The following TTN variants were observed in gnomAD, a reference collection of about 807,000 sequenced individuals.
TTN encodes titin, also known as connectin.
In TTN, 1,525 loss-of-function variants were observed where a neutral mutation model predicts 3,223.0. The observed-to-expected ratio is 0.47, with a 90% CI of 0.45 to 0.49. The LOEUF is 0.49. Among genes scored for constraint, TTN ranks in the 20% least tolerant of loss-of-function variants. The probability of loss-of-function intolerance (pLI) is 0.00; values close to 1 mark genes in which losing one functional copy is unlikely to be tolerated. For synonymous variants in TTN, 14,094 were observed against 15,161.0 expected (o/e 0.93, Z 5.17); for missense variants, 40,786 against 43,424.0 (o/e 0.94, Z 5.40).
In TTN at chr2:178,720,555, A is replaced by T; in HGVS notation, c.23207T>A (p.Val7736Asp). Residue 7736 changes from valine (V) to aspartate (D), a missense_variant, in exon 80 of 363, where the codon GTT becomes GAT. Transcript: ENST00000589042. ...SGTPPFEVVW[V>D]KDRKQVRNSK... ...GTTTCTAACCTGCTTTCGATCTTTAACCCATACTACTTCAAATGGGGGAGT... is the reference window on the plus strand; with the variant it reads ...GTTTCTAACCTGCTTTCGATCTTTATCCCATACTACTTCAAATGGGGGAGT... 1 of 1,613,468 alleles carries T rather than the reference A, an allele frequency of 6.2e-7. No individual in the cohort carries two copies. Among genetic ancestry groups the T allele is most frequent in the Non-Finnish European group, 8.5e-7 (1 of 1,179,610 alleles).
rs1575474576 is a variant in TTN at position 178,548,526 on chromosome 2, T to C, written c.93100A>G (p.Thr31034Ala). 2.5e-6 allele frequency: 4 copies of C among 1,613,734 alleles called. No individual in the cohort carries two copies. The East Asian group carries it at 8.9e-5, about 36-fold the overall frequency. The stretch of plus-strand genomic sequence containing the variant: ...AGAAGAGGGGCATCCCACATCAATG[T>C]AGCAGATCCCCGGGTCACATCTTTG... ...TFKDVTRGSA[T>A]LMWDAPLLDG... Residue 31034 changes from threonine to alanine, a missense_variant, in exon 339 of 363, where the codon ACA (threonine) becomes GCA (alanine). Transcript: ENST00000589042. This position sits in a 1 kb window ranked among gnomAD's most constrained non-coding sequence, Gnocchi z 4.3.
chr2:178,699,045 T>C (rs1385956743), intron 111 of TTN, 131 bp from the exon 112 acceptor site: 11 of 958,544 alleles, frequency 1.1e-5, no homozygotes, highest in Non-Finnish European at 1.6e-5. Flanking sequence ...AGATTCTGCA[T>C]ATTACTACAA....
At chr2:178,679,816 C>T in intron 140 of TTN, 78 bp downstream of exon 140, 1 of 1,572,768 alleles carries the variant, frequency 6.4e-7, no homozygotes, top group East Asian at 2.2e-5. Flanking sequence ...CTGCCAATAA[C>T]CCCCAGAATC....
Position 178,566,530 on chromosome 2 carries a change from C to T in TTN, c.79602G>A (p.Trp26534Ter). Reference sequence around the variant, plus strand: ...GGCCAGTCTGTGGAGTAACTATTTGCCATTCTTCTTCATCTGCTTTACAGA... The same window carrying T: ...GGCCAGTCTGTGGAGTAACTATTTGTCATTCTTCTTCATCTGCTTTACAGA... ...VEICKADEEEWQIVTPQTGLR... is the reference protein window; with the variant it reads ...VEICKADEEE Residue 26534 changes from tryptophan (W) to a stop codon, truncating the protein, a stop_gained, in exon 326 of 363, where the codon TGG (tryptophan) becomes TGA (stop). Transcript: ENST00000589042. LOFTEE classifies it high-confidence loss of function. 2 of 1,613,376 alleles carry T rather than the reference C, an allele frequency of 1.2e-6. No individual in the cohort carries two copies. Among genetic ancestry groups the T allele is most frequent in the Non-Finnish European group, 1.7e-6 (2 of 1,179,686 alleles).
intron 209 of TTN, 65 bp from the exon 210 acceptor site, chr2:178,650,336 A>G: frequency 7.5e-7 from 1 of 1,329,758 alleles, no homozygotes; most frequent in Non-Finnish European, 1.0e-6. Flanking sequence ...GACAAACACT[A>G]AACACGATAA....
chr2:178,583,792 C>T lies in TTN; in HGVS notation c.65390G>A (p.Cys21797Tyr), dbSNP rs886042894. 1.9e-6 allele frequency: 3 copies of T among 1,610,252 alleles called. No homozygotes were observed. Among genetic ancestry groups the T allele is most frequent in the Admixed American group, 3.4e-5 (2 of 59,638 alleles). Reference protein sequence around the residue: ...SKIIGYFVEACKLPGDKWVRC... With the variant: ...SKIIGYFVEAYKLPGDKWVRC... Reference sequence around the variant, plus strand: ...TACCCATTTATCACCAGGAAGTTTGCAAGCTTCTACGAAATAGCCAATAAT... The same window carrying T: ...TACCCATTTATCACCAGGAAGTTTGTAAGCTTCTACGAAATAGCCAATAAT... Residue 21797 changes from cysteine (C) to tyrosine (Y), a missense_variant, in exon 312 of 363, where the codon TGC becomes TAC. Transcript: ENST00000589042.
chr2:178,637,519 A>T, intron 223 of TTN, 100 bp from the exon 224 acceptor site: 1 of 609,148 alleles, frequency 1.6e-6, no homozygotes, highest in Non-Finnish European at 2.5e-6. Context: ...TATAAATATT[A>T]ACGCATAAAG....
In TTN at chr2:178,614,172, T is replaced by C. The variant is rs1315841408; in HGVS notation, c.49225A>G (p.Asn16409Asp). 2 of 1,612,382 alleles carry C rather than the reference T, an allele frequency of 1.2e-6. No individual in the cohort carries two copies. The highest frequency in any genetic ancestry group is 1.7e-6 in the Non-Finnish European group (2 of 1,179,234). Reference sequence around the variant, plus strand: ...GGGATTAATTTGGTGGCCTTGAAGTTTGTATCCTTGACGGTGGATGAGAGC... The same window carrying C: ...GGGATTAATTTGGTGGCCTTGAAGTCTGTATCCTTGACGGTGGATGAGAGC... ...HKLSSTVKDT[N>D]FKATKLIPNK... is the part of the protein sequence containing the mutation. Residue 16409 changes from asparagine (N) to aspartate (D), a missense_variant, in exon 262 of 363, where the codon AAC becomes GAC. Physicochemically the swap from Asn to Asp is conservative, Grantham distance 23. Transcript: ENST00000589042.
Position 178,567,369 on chromosome 2 carries a change from C to T in TTN, c.78763G>A (p.Asp26255Asn), listed in dbSNP as rs1368108260. 2 of 1,594,450 alleles carry T rather than the reference C, an allele frequency of 1.3e-6. No individual in the cohort carries two copies. Among genetic ancestry groups the T allele is most frequent in the Non-Finnish European group, 1.7e-6 (2 of 1,172,466 alleles). The stretch of plus-strand genomic sequence containing the variant: ...TGCCCACCATCAATTCTAATTGCAT[C>T]TTTTACAATAAGTAAAGCCTTGAAA... ...TDFKALLIVKDAIRIDGGQYI... is the reference protein window; with the variant it reads ...TDFKALLIVKNAIRIDGGQYI... The change falls in exon 326 of 363, where the codon GAT (aspartate) becomes AAT (asparagine). Residue 26255 changes from aspartate to asparagine, a missense_variant. Transcript: ENST00000589042.
Position 178,718,014 on chromosome 2 carries a change from A to T in TTN, c.24992T>A (p.Val8331Glu), listed in dbSNP as rs773888026. The change falls in exon 86 of 363, where the codon GTG becomes GAG. Residue 8331 changes from valine to glutamate, a missense_variant. By Grantham distance (121) the Val-to-Glu change is moderately radical (BLOSUM62 -2). Coordinates refer to ENST00000589042, the MANE Select transcript of TTN (RefSeq NM_001267550.2). ...GTCTGCCTTGCATGAATACTCTCCC[A>T]CATCACTGTGATCCACTTTGTTGAT... ...LVINKVDHSD[V>E]GEYSCKADNS... 6.2e-7 allele frequency: 1 copy of T among 1,613,744 alleles called. No homozygotes were observed. Among genetic ancestry groups the T allele is most frequent in the East Asian group, 2.2e-5 (1 of 44,876 alleles).
chr2:178,698,932 GA>G lies in TTN; in HGVS notation c.30683-19del, dbSNP rs752002029. 1,409 of 1,114,532 alleles carry G rather than the reference GA, an allele frequency of 1.3e-3. 3 individuals carry two copies. Among genetic ancestry groups the G allele is most frequent in the African/African-American group, 9.3e-3 (549 of 58,844 alleles). The allele number at this position is 1,114,532 out of a possible 1,614,324, so 69.0% of individuals were successfully genotyped here. ...TTTGGTAACTAAAAAAAAAAAAAAA[GA>G]AAAAAAAAGAAAAAATATTTCTGGT... is the stretch of plus-strand genomic sequence containing the variant. On this transcript the variant is annotated intron_variant, in intron 111 of 362. Transcript: ENST00000589042.
chr2:178,741,352 C>T lies in TTN; in HGVS notation c.11881G>A (p.Val3961Met), dbSNP rs1017307763. Residue 3961 changes from valine to methionine, a missense_variant, in exon 48 of 363, where the codon GTG (valine) becomes ATG (methionine). Coordinates refer to ENST00000589042, the MANE Select transcript of TTN (RefSeq NM_001267550.2). Reference protein sequence around the residue: ...QGLPAIFEYTVVGEPAPTVTW... With the variant: ...QGLPAIFEYTMVGEPAPTVTW... Reference sequence around the variant, plus strand: ...ACAGTAGGGGCAGGCTCTCCAACCACTGTGTACTCAAAGATGGCAGGAAGC... The same window carrying T: ...ACAGTAGGGGCAGGCTCTCCAACCATTGTGTACTCAAAGATGGCAGGAAGC... 1.9e-6 allele frequency: 3 copies of T among 1,613,892 alleles called. No homozygotes were observed. The highest frequency in any genetic ancestry group is 2.7e-5 in the African/African-American group (2 of 75,034).
intron 81 of TTN, 68 bp from the exon 82 acceptor site, chr2:178,719,900 T>C: frequency 6.5e-7 from 1 of 1,550,088 alleles, no homozygotes; most frequent in Non-Finnish European, 8.7e-7. Flanking sequence ...AATCACTGAA[T>C]TACTGGATAA....
intron 215 of TTN, 93 bp downstream of exon 215, chr2:178,646,971 T>G: frequency 2.3e-6 from 1 of 426,036 alleles, no homozygotes; most frequent in Non-Finnish European, 3.8e-6. Context: ...GTATATAATT[T>G]CAAGAAGGAA....
Position 178,563,343 on chromosome 2 carries a change from C to G in TTN, c.82789G>C (p.Asp27597His). The G allele has an allele frequency of 6.2e-7, 1 of 1,613,608 alleles. No homozygotes were observed. The highest frequency in any genetic ancestry group is 8.5e-7 in the Non-Finnish European group (1 of 1,179,722). Residue 27597 changes from aspartate (D) to histidine (H), a missense_variant, in exon 326 of 363, where the codon GAT becomes CAT. Physicochemically the swap from Asp to His is moderately conservative, Grantham distance 81 (BLOSUM62 -1). Coordinates refer to ENST00000589042, the MANE Select transcript of TTN (RefSeq NM_001267550.2). The surrounding 1 kb of genome is among the most constrained non-coding windows in gnomAD (Gnocchi z 4.5). ...TAGCCTTTAACAGGTGCGCCACCAT[C>G]ATAAATTGGCTTACTCCATGCCAGG... is the stretch of plus-strand genomic sequence containing the variant. The part of the protein sequence containing the change: ...VSLAWSKPIY[D>H]GGAPVKGYVV...
chr2:178,765,716 T>A (rs2090257709), intron 41 of TTN, among the ~76,000 whole-genome samples: 1 of 152,168 alleles, frequency 6.6e-6, no homozygotes. Flanking sequence ...GGAGGTTCCA[T>A]TTTTCTCTTG....
intron 193 of TTN, 53 bp from the exon 194 acceptor site, chr2:178,654,148 C>T: frequency 1.3e-6 from 2 of 1,593,502 alleles, no homozygotes; most frequent in Non-Finnish European, 1.7e-6. Flanking sequence ...GTATATATTA[C>T]AGTGATTGTG....
At position 178,549,337 on chromosome 2, in the gene TTN, G is replaced by GCTTTT. The variant is rs756367933; in HGVS notation, c.92284_92288dup (p.Ser30763ArgfsTer7). On this transcript the variant is annotated frameshift_variant, in exon 339 of 363. Coordinates refer to ENST00000589042, the MANE Select transcript of TTN (RefSeq NM_001267550.2). LOFTEE classifies it high-confidence loss of function. ...TGCTGATCACTTTTACCCATCTTGT[G>GCTTTT]CTTTTCTTTTCTCTTCTTTCAAGGA... The GCTTTT allele has an allele frequency of 4.3e-6, 7 of 1,613,716 alleles. No homozygotes were observed. The highest frequency in any genetic ancestry group is 2.7e-5 in the African/African-American group (2 of 74,886).
At position 178,624,604 on chromosome 2, in the gene TTN, G is replaced by T. The variant is rs373500703; in HGVS notation, c.44676C>A (p.Ile14892=). ...CAATTTCATACTTCTTGCTTTTGAGGATTTCTGTCCCATTTTTGAACCATT... is the reference window on the plus strand; with the variant it reads ...CAATTTCATACTTCTTGCTTTTGAGTATTTCTGTCCCATTTTTGAACCATT... ...KVKWFKNGTE[I]LKSKKYEIVA... Residue 14892 remains isoleucine (I), a synonymous_variant, in exon 242 of 363, where the codon ATC becomes ATA. Coordinates refer to ENST00000589042, the MANE Select transcript of TTN (RefSeq NM_001267550.2). 7 of 1,612,522 alleles carry T rather than the reference G, an allele frequency of 4.3e-6. No individual in the cohort carries two copies. The highest frequency in any genetic ancestry group is 1.6e-4 in the Middle Eastern group (1 of 6,068).
Sources: gnomAD v4.1 joint callset for allele counts (sites outside exome capture counted in the v4.1 genomes callset) on GRCh38, gnomAD v4.1.1 for gene constraint, Gnocchi (gnomAD v3.1) non-coding constraint, MANE v1.5 for transcripts, NCBI Gene and HGNC (gene_info 2026-07-23, HGNC 2026-07-21) for gene names.